Variants in HERC4 observed in about 807,000 individuals in gnomAD.
HERC4 encodes the protein probable E3 ubiquitin-protein ligase HERC4.
HERC4 carries 28 observed loss-of-function variants against 124.3 expected under a neutral mutation model. The ratio of observed to expected loss-of-function variants is 0.23; its 90% CI spans 0.17 to 0.31. The LOEUF (loss-of-function observed/expected upper bound fraction) is 0.31, where lower values mean the gene tolerates loss of function less well. HERC4 is among the 10% of genes least tolerant of loss of function. HERC4 has a pLI of 1.00. For missense variants in HERC4, 713 were observed against 1,229.3 expected (o/e 0.58, Z 6.28); for synonymous variants, 407 against 421.5 (o/e 0.97, Z 0.42).
intron 16 of HERC4, among the ~76,000 whole-genome samples, chr10:67,957,258 A>G (rs1186927234): frequency 6.6e-6 from 1 of 152,208 alleles, no homozygotes; most frequent in East Asian, 1.9e-4. Context: ...AATCTCAGTG[A>G]ATGAGGTTGC....
At chr10:68,033,474 A>G (rs1007438861) in intron 6 of HERC4, among the ~76,000 whole-genome samples, 2 of 152,206 alleles carry the variant, frequency 1.3e-5, no homozygotes, top group African/African-American at 4.8e-5. Context: ...ATCATGAAAA[A>G]TAAGTTCCAA....
At chr10:68,069,152 G>C in intron 3 of HERC4, 1 of 970,180 alleles carries the variant, frequency 1.0e-6, no homozygotes, top group Non-Finnish European at 1.2e-6. Flanking sequence ...GTAAGAAAAG[G>C]ATCTTGTAAA....
chr10:68,016,506 C>G (rs2038277689), intron 8 of HERC4, among the ~76,000 whole-genome samples: 1 of 152,106 alleles, frequency 6.6e-6, no homozygotes, highest in South Asian at 2.1e-4. Flanking sequence ...GCATGTGCCA[C>G]CATGCCCAGC....
intron 9 of HERC4, among the ~76,000 whole-genome samples, chr10:68,006,257 T>C (rs2037544256): frequency 6.6e-6 from 1 of 152,178 alleles, no homozygotes. Flanking sequence ...GTACCTTTAG[T>C]TGATTTGTTA....
At chr10:67,953,571 C>A (rs1182515855) in intron 19 of HERC4, among the ~76,000 whole-genome samples, 1 of 152,036 alleles carries the variant, frequency 6.6e-6, no homozygotes, top group Admixed American at 6.5e-5. Context: ...AAAGATGGGA[C>A]AATATGAGCA....
At position 67,959,233 on chromosome 10, in the gene HERC4, T is replaced by C. The variant is rs1214455379; in HGVS notation, c.1927-2257A>G. 9 of 1,158,040 alleles carry C rather than the reference T, an allele frequency of 7.8e-6. No homozygotes were observed. In the Admixed American group the frequency reaches 1.1e-4, roughly 15 times the overall value. 71.7% of individuals were successfully genotyped at this position (1,158,040 alleles called of 1,614,324 possible). On this transcript the variant is annotated intron_variant, in intron 16 of 24. Coordinates refer to ENST00000373700, the MANE Select transcript of HERC4 (RefSeq NM_015601.4). ...ATTCAAGGTAGCATTTCATATATTT[T>C]GCTACAGCAGAATATTGAAGTAATG...
intron 1 of HERC4, chr10:68,074,636 T>G (rs886464233): frequency 6.6e-6 from 1 of 151,886 alleles, no homozygotes; most frequent in Non-Finnish European, 1.5e-5. Flanking sequence ...GAAAGAGAAA[T>G]CATCTGCACA....
rs185772643 is a variant in HERC4 at position 67,959,140 on chromosome 10, A to C, written c.1927-2164T>G. ...CAGTTAATCCATGGTTGACATCCTAAGACAGCAGTGCAGAATATAACAATA... is the reference window on the plus strand; with the variant it reads ...CAGTTAATCCATGGTTGACATCCTACGACAGCAGTGCAGAATATAACAATA... On this transcript the variant is annotated intron_variant, in intron 16 of 24. Transcript: ENST00000373700. 2.5e-6 allele frequency: 4 copies of C among 1,594,550 alleles called. No homozygotes were observed. The East Asian group carries it at 6.9e-5, about 27-fold the overall frequency.
chr10:67,981,350 T>A (rs2035917476), intron 15 of HERC4, among the ~76,000 whole-genome samples: 2 of 152,160 alleles, frequency 1.3e-5, no homozygotes, highest in Non-Finnish European at 1.5e-5. Context: ...TGTAAACATA[T>A]ATGCACCCAA....
chr10:68,045,669 T>C (rs659082), intron 3 of HERC4, among the ~76,000 whole-genome samples: 56 of 152,348 alleles, frequency 3.7e-4, no homozygotes, highest in African/African-American at 1.3e-3. Flanking sequence ...GTTTTTTTAC[T>C]AGTATCACAA....
chr10:68,063,465 C>CCCAAAGTG (rs1460185511), intron 3 of HERC4, among the ~76,000 whole-genome samples: 1 of 152,112 alleles, frequency 6.6e-6, no homozygotes, highest in Non-Finnish European at 1.5e-5. Context: ...GTGTCAGCCT[C>CCCAAAGTG]CCAAAGTGCT....
chr10:68,043,950 A>C (rs763341346), intron 4 of HERC4, among the ~76,000 whole-genome samples: 7 of 152,212 alleles, frequency 4.6e-5, no homozygotes, highest in Non-Finnish European at 8.8e-5. Flanking sequence ...TGCTATGTAC[A>C]AAGTGGAAAG....
chr10:68,009,540 A>G (rs2133069241), intron 9 of HERC4, among the ~76,000 whole-genome samples: 1 of 152,328 alleles, frequency 6.6e-6, no homozygotes, highest in African/African-American at 2.4e-5. Flanking sequence ...GCAAGTCTTA[A>G]ACTTTTTGTT....
intron 9 of HERC4, among the ~76,000 whole-genome samples, chr10:68,006,900 T>A (rs544484617): frequency 1.1e-4 from 16 of 152,334 alleles, no homozygotes; most frequent in African/African-American, 3.4e-4. Flanking sequence ...GCTTTTGAGA[T>A]CCTTTCTTTA....
At chr10:67,942,496 C>A (rs545900077) in intron 19 of HERC4, among the ~76,000 whole-genome samples, 3 of 152,000 alleles carry the variant, frequency 2.0e-5, no homozygotes, top group Non-Finnish European at 4.4e-5. Flanking sequence ...TTTTCCTCTA[C>A]CCCCGTTCCA....
rs767935956 is a variant in HERC4, at chr10:68,025,693, C to A, written c.778-17G>T. The A allele has an allele frequency of 2.5e-6, 4 of 1,598,192 alleles. No individual in the cohort carries two copies. In the African/African-American group the frequency reaches 4.0e-5, roughly 16 times the overall value. ...TCCACCTTCCTAAAAAAAGACAAAA[C>A]CCCTTATCATTAGAAGGCATGATAA... On this transcript the variant is annotated splice_polypyrimidine_tract_variant and intron_variant, in intron 7 of 24. Transcript: ENST00000373700.
At chr10:67,961,091 G>T (rs2034486270) in intron 16 of HERC4, 1 of 196,694 alleles carries the variant, frequency 5.1e-6, no homozygotes, top group South Asian at 8.6e-5. Flanking sequence ...ACCATTAGTG[G>T]TCTTGACATT....
At chr10:68,042,417 G>A (rs1345056184) in intron 4 of HERC4, among the ~76,000 whole-genome samples, 3 of 152,206 alleles carry the variant, frequency 2.0e-5, no homozygotes, top group African/African-American at 7.2e-5. Flanking sequence ...TTGAGTCCAG[G>A]AATTTAAGAC....
In HERC4 at chr10:67,971,550, C is replaced by T. The variant is rs187114575; in HGVS notation, c.1807-4748G>A. On this transcript the variant is annotated intron_variant, in intron 15 of 24. Coordinates refer to ENST00000373700, the MANE Select transcript of HERC4 (RefSeq NM_015601.4). ...GAAAAAAATCATCTGTTCATCTCAA[C>T]AGATGGAAACAATATCTGATAAAAT... 2.4e-3 allele frequency among the ~76,000 whole-genome samples: 361 copies of T among 152,184 alleles called. 8 individuals carry two copies. Among genetic ancestry groups the T allele is most frequent in the Admixed American group, 0.018 (281 of 15,284 alleles).
Sources: allele counts gnomAD v4.1 joint callset (sites outside exome capture counted in the v4.1 genomes callset), GRCh38; gene constraint gnomAD v4.1.1; transcripts MANE v1.5; gene names NCBI Gene and HGNC (gene_info 2026-07-23, HGNC 2026-07-21).